Variants in MAGI2 observed in about 807,000 individuals in gnomAD.
MAGI2 encodes membrane associated guanylate kinase, WW and PDZ domain containing 2, also known as membrane-associated guanylate kinase, WW and PDZ domain-containing protein 2.
MAGI2 carries 35 observed loss-of-function variants against 133.3 expected under a neutral mutation model. That is an observed-to-expected ratio of 0.26 (90% CI 0.20 to 0.35). MAGI2 has a LOEUF of 0.35. MAGI2 is among the 10% of genes least tolerant of loss of function. The pLI is 1.00. For missense variants in MAGI2, 1,636 were observed against 1,863.4 expected, an observed-to-expected ratio of 0.88 and a Z score of 2.25; for synonymous variants, 729 against 710.6, an observed-to-expected ratio of 1.03 and a Z score of -0.41.
intron 2 of MAGI2, among the ~76,000 whole-genome samples, chr7:78,812,457 T>G (rs1383722095): frequency 1.3e-5 from 2 of 152,164 alleles, no homozygotes; most frequent in Admixed American, 6.5e-5. Context: ...TCTGGCATAT[T>G]TAGCAGGTAT....
intron 1 of MAGI2, among the ~76,000 whole-genome samples, chr7:79,195,336 T>C (rs980818644): frequency 4.6e-5 from 7 of 152,048 alleles, no homozygotes; most frequent in African/African-American, 1.7e-4. Context: ...TTAATGACAA[T>C]TAACTGTGGT....
At chr7:78,284,454 T>TC (rs1308360340) in intron 9 of MAGI2, among the ~76,000 whole-genome samples, 18 of 150,654 alleles carry the variant, frequency 1.2e-4, no homozygotes, top group Admixed American at 2.6e-4. Flanking sequence ...TCTTTTCTTT[T>TC]TTTTTTTTTT....
chr7:78,236,323 C>T (rs1411588567), intron 10 of MAGI2, among the ~76,000 whole-genome samples: 2 of 152,130 alleles, frequency 1.3e-5, no homozygotes, highest in African/African-American at 4.8e-5. Context: ...AGACAGAAGA[C>T]AGTCAGTAGA....
chr7:79,206,108 T>C (rs986055342), intron 1 of MAGI2, among the ~76,000 whole-genome samples: 1 of 151,170 alleles, frequency 6.6e-6, no homozygotes. Flanking sequence ...CAGCAATAAA[T>C]GCCTACCTCA....
At chr7:79,185,265 G>T (rs186973530) in intron 1 of MAGI2, among the ~76,000 whole-genome samples, 2 of 151,792 alleles carry the variant, frequency 1.3e-5, no homozygotes, top group African/African-American at 4.8e-5. Flanking sequence ...AATGAAATGC[G>T]TATCTCCAAA....
At chr7:78,490,620 T>A (rs1432763061) in intron 5 of MAGI2, among the ~76,000 whole-genome samples, 1 of 152,084 alleles carries the variant, frequency 6.6e-6, no homozygotes, top group African/African-American at 2.4e-5. Context: ...CAACACATAT[T>A]AACAATGCAT....
In MAGI2 at chr7:78,431,391, T is replaced by C. The variant is rs1384728907; in HGVS notation, c.1045+58370A>G. Among the ~76,000 whole-genome samples the C allele has an allele frequency of 2.6e-5, 4 of 152,202 alleles. No homozygotes were observed. In the East Asian group the frequency reaches 7.7e-4, roughly 29 times the overall value. The stretch of plus-strand genomic sequence containing the variant: ...AGCAAAGCAGTGGTTGGTAACTCAC[T>C]TTTAAAATTCAATATGATTATCCTA... On this transcript the variant is annotated intron_variant, in intron 6 of 21. Transcript: ENST00000354212.
intron 10 of MAGI2, among the ~76,000 whole-genome samples, chr7:78,212,221 G>C (rs1245142461): frequency 1.3e-5 from 2 of 152,166 alleles, no homozygotes; most frequent in African/African-American, 4.8e-5. Flanking sequence ...GTGGAACAGT[G>C]GCCCCCACAA....
At chr7:78,147,985 A>G (rs1288556872) in intron 16 of MAGI2, among the ~76,000 whole-genome samples, 1 of 152,314 alleles carries the variant, frequency 6.6e-6, no homozygotes, top group East Asian at 1.9e-4. Flanking sequence ...ATAAAATGGT[A>G]CAGCCACTTT....
rs899494312 is a variant in MAGI2, at chr7:79,397,482, G to A, written c.301+55538C>T. On this transcript the variant is annotated intron_variant, in intron 1 of 21. Coordinates refer to ENST00000354212, the MANE Select transcript of MAGI2 (RefSeq NM_012301.4). The stretch of plus-strand genomic sequence containing the variant: ...ATGTATATTTCTGATTATTTCCAGA[G>A]GTAAGCATTCTAGATTTGGAGTTAA... Among the ~76,000 whole-genome samples the A allele has an allele frequency of 5.3e-5, 8 of 151,738 alleles. 1 individual carries two copies.
intron 6 of MAGI2, among the ~76,000 whole-genome samples, chr7:78,396,451 T>A (rs1357441956): frequency 6.6e-6 from 1 of 152,158 alleles, no homozygotes; most frequent in Non-Finnish European, 1.5e-5. Flanking sequence ...CCCTTTACTT[T>A]ACTTGGAACG....
At chr7:79,020,472 G>T in intron 1 of MAGI2, among the ~76,000 whole-genome samples, 1 of 152,176 alleles carries the variant, frequency 6.6e-6, no homozygotes, top group East Asian at 1.9e-4. Flanking sequence ...AATTGCATAA[G>T]AAATGAGGAA....
intron 1 of MAGI2, among the ~76,000 whole-genome samples, chr7:79,305,989 CTTTTTT>C (rs765424561): frequency 7.2e-6 from 1 of 138,528 alleles, no homozygotes; most frequent in Non-Finnish European, 1.6e-5. Flanking sequence ...CCTGTAGTAT[CTTTTTT>C]TTTTTTTTCC....
At chr7:78,581,492 G>A (rs1802833038) in intron 3 of MAGI2, among the ~76,000 whole-genome samples, 1 of 152,110 alleles carries the variant, frequency 6.6e-6, no homozygotes, top group Non-Finnish European at 1.5e-5. Context: ...CAGTAGGGAG[G>A]GTAGAGACAA....
intron 2 of MAGI2, among the ~76,000 whole-genome samples, chr7:78,845,868 G>C (rs1185367436): frequency 6.6e-6 from 1 of 151,908 alleles, no homozygotes; most frequent in Non-Finnish European, 1.5e-5. Context: ...GGTCAGAGGG[G>C]AGAGTGACAT....
At chr7:78,059,888 G>T (rs1023670551) in intron 21 of MAGI2, among the ~76,000 whole-genome samples, 1 of 151,646 alleles carries the variant, frequency 6.6e-6, no homozygotes, top group Non-Finnish European at 1.5e-5. Flanking sequence ...GAGAATTTTC[G>T]TGGCAGCCCC....
At chr7:78,617,047 A>G (rs1436274619) in intron 3 of MAGI2, 1 of 152,188 alleles carries the variant, frequency 6.6e-6, no homozygotes, top group Non-Finnish European at 1.5e-5. Context: ...TTGGAACAGA[A>G]TAGAAAATGA....
intron 17 of MAGI2, 159 bp downstream of exon 17, chr7:78,134,862 G>C (rs1218740891): frequency 1.3e-5 from 8 of 621,956 alleles, no homozygotes; most frequent in Non-Finnish European, 1.4e-5. Context: ...CTGAGTGTGA[G>C]TTTTTGCAAA....
At chr7:78,048,900 A>G (rs895342756) in intron 21 of MAGI2, among the ~76,000 whole-genome samples, 4 of 151,940 alleles carry the variant, frequency 2.6e-5, no homozygotes, top group African/African-American at 9.7e-5. Context: ...CAAGGACAGG[A>G]GATCGAGACC....
Sources: gnomAD v4.1 joint callset for allele counts (sites outside exome capture counted in the v4.1 genomes callset) on GRCh38, gnomAD v4.1.1 for gene constraint, MANE v1.5 for transcripts, NCBI Gene and HGNC (gene_info 2026-07-23, HGNC 2026-07-21) for gene names.